Variants in CRLF2 observed in about 807,000 individuals in gnomAD.
CRLF2 encodes cytokine receptor-like factor 2.
CRLF2 carries 41 observed loss-of-function variants against 38.7 expected under a neutral mutation model. That is an observed-to-expected ratio of 1.06 (90% CI 0.83 to 1.37). The LOEUF is 1.37. CRLF2 is among the 40% of genes most tolerant of loss of function. CRLF2 has a pLI of 0.00. For synonymous variants in CRLF2, 140 were observed against 128.8 expected (o/e 1.09, Z -0.59); for missense variants, 377 against 322.2 (o/e 1.17, Z -1.30).
In CRLF2 at chrX:1,212,176, T is replaced by C. The variant is rs747400960; in HGVS notation, c.79+380A>G. Among the ~76,000 whole-genome samples, 29 of 151,766 alleles carry C rather than the reference T, an allele frequency of 1.9e-4. No homozygotes were observed. In the South Asian group the frequency reaches 5.4e-3, roughly 28 times the overall value. On this transcript the variant is annotated intron_variant, in intron 1 of 7. Coordinates refer to ENST00000400841, the MANE Select transcript of CRLF2 (RefSeq NM_022148.4). ...GGATAGTGGATGGATGGGTGATTAA[T>C]GGGAAAAGATAGATGAGATACATTG...
intron 4 of CRLF2, among the ~76,000 whole-genome samples, chrX:1,200,791 G>A (rs1209655536): frequency 4.6e-4 from 70 of 152,124 alleles, no homozygotes; most frequent in Non-Finnish European, 9.0e-4. Context: ...CTATATGTGT[G>A]TATATGCATG....
chrX:1,199,730 A>G (rs1305853903), intron 4 of CRLF2, among the ~76,000 whole-genome samples: 1 of 151,966 alleles, frequency 6.6e-6, no homozygotes, highest in Non-Finnish European at 1.5e-5. Context: ...ATATCTCTAT[A>G]TGTATATTTA....
At chrX:1,209,449 A>G (rs188672690) in intron 1 of CRLF2, among the ~76,000 whole-genome samples, 5,705 of 151,622 alleles carry the variant, frequency 0.038, 365 homozygotes, top group African/African-American at 0.13. Flanking sequence ...CTCCTGCCTC[A>G]GCCTCCCGAG....
chrX:1,207,028 C>A (rs1189107150), intron 2 of CRLF2, among the ~76,000 whole-genome samples: 2 of 147,978 alleles, frequency 1.4e-5, no homozygotes, highest in African/African-American at 5.0e-5. Flanking sequence ...TCATTGCAAT[C>A]TCTGCCTCCC....
At chrX:1,195,739 TTA>T (rs2086461597) in intron 6 of CRLF2, among the ~76,000 whole-genome samples, 1 of 139,310 alleles carries the variant, frequency 7.2e-6, no homozygotes. Flanking sequence ...TTTTATATTT[TTA>T]TAAATATATA....
chrX:1,201,613 C>G (rs1263636041), intron 4 of CRLF2, among the ~76,000 whole-genome samples: 23 of 150,618 alleles, frequency 1.5e-4, no homozygotes, highest in Non-Finnish European at 3.0e-5. Context: ...ATAGATGATA[C>G]ATAGACAGAT....
At position 1,193,227 on chromosome X, in the gene CRLF2, C is replaced by G. The variant is rs1338318278; in HGVS notation, c.843G>C (p.Gly281=). The change falls in exon 7 of 8, where the codon GGG becomes GGC. Residue 281 remains glycine, a synonymous_variant. Coordinates refer to ENST00000400841, the MANE Select transcript of CRLF2 (RefSeq NM_022148.4). Reference sequence around the variant, plus strand: ...AGGAGAGGGCGGATACCTGGAAGTTCCCTTGGTGTATCTCAAAGAGCCCGG... The same window carrying G: ...AGGAGAGGGCGGATACCTGGAAGTTGCCTTGGTGTATCTCAAAGAGCCCGG... The part of the protein sequence containing the change: ...IFPGLFEIHQ[G]NFQEWITDTQ... The G allele has an allele frequency of 2.0e-5, 8 of 398,438 alleles. No homozygotes were observed. Among genetic ancestry groups the G allele is most frequent in the Non-Finnish European group, 3.5e-5 (8 of 226,174 alleles). 24.7% of individuals were successfully genotyped at this position (398,438 alleles called of 1,614,324 possible).
intron 1 of CRLF2, among the ~76,000 whole-genome samples, chrX:1,210,892 G>C (rs2086785251): frequency 6.6e-6 from 1 of 152,074 alleles, no homozygotes; most frequent in African/African-American, 2.4e-5. Context: ...TGAGTGGATG[G>C]ATGAATAAAT....
At position 1,204,150 on chromosome X, in the gene CRLF2, C is replaced by CTGTGTGTGTGTGTGTGTGTGTGTGTGTG. The variant is rs782552615; in HGVS notation, c.350-1643_350-1616dup. Among the ~76,000 whole-genome samples the CTGTGTGTGTGTGTGTGTGTGTGTGTGTG allele has an allele frequency of 9.1e-3, 1,132 of 124,706 alleles. 19 individuals carry two copies. The highest frequency in any genetic ancestry group is 0.011 in the Non-Finnish European group (660 of 59,712). The allele number at this position is 124,706 out of a possible 152,430, so 81.8% of individuals were successfully genotyped here. A position where few individuals can be genotyped will look rare whatever the true frequency, so the allele number is the denominator to read the frequency against. On this transcript the variant is annotated intron_variant, in intron 3 of 7. Transcript: ENST00000400841. ...GATGAGAGAGTATTTCCAGCTCACTCTGTGTGTGTGTGTGTGTGTGTGTGT... is the reference window on the plus strand; with the variant it reads ...GATGAGAGAGTATTTCCAGCTCACTCTGTGTGTGTGTGTGTGTGTGTGTGTGTGTGTGTGTGTGTGTGTGTGTGTGTGT...
chrX:1,196,986 A>G, intron 5 of CRLF2, 86 bp from the exon 6 acceptor site: 1 of 1,120,524 alleles, frequency 8.9e-7, no homozygotes, highest in Admixed American at 2.8e-5. Flanking sequence ...CTCATCCCTA[A>G]CCAGTCTCCC....
chrX:1,210,358 C>A (rs1445649324), intron 1 of CRLF2, among the ~76,000 whole-genome samples: 2 of 152,022 alleles, frequency 1.3e-5, no homozygotes, highest in East Asian at 3.9e-4. Flanking sequence ...CTGTCGCCCA[C>A]GCTGGAGTGC....
intron 1 of CRLF2, among the ~76,000 whole-genome samples, chrX:1,209,933 C>G (rs1179007806): frequency 6.6e-6 from 1 of 151,510 alleles, no homozygotes; most frequent in African/African-American, 2.4e-5. Flanking sequence ...GAAACCCCGT[C>G]TCTACTAAAA....
chrX:1,211,069 G>A (rs2147857568), intron 1 of CRLF2, among the ~76,000 whole-genome samples: 1 of 149,088 alleles, frequency 6.7e-6, no homozygotes, highest in Non-Finnish European at 1.5e-5. Flanking sequence ...GGATGGATGT[G>A]TTGGTGGATG....
intron 4 of CRLF2, among the ~76,000 whole-genome samples, chrX:1,199,893 A>ATG (rs1319949848): frequency 7.2e-6 from 1 of 139,046 alleles, no homozygotes; most frequent in African/African-American, 2.5e-5. Flanking sequence ...ATGTATCTAT[A>ATG]TGTGTGTGTA....
chrX:1,199,131 A>G (rs1314963065), intron 4 of CRLF2: 2 of 272,620 alleles, frequency 7.3e-6, no homozygotes, highest in Non-Finnish European at 1.5e-5. Flanking sequence ...CCTGGGTGAC[A>G]GAGCGGGACT....
chrX:1,194,705 G>T (rs1364621303), intron 6 of CRLF2, among the ~76,000 whole-genome samples: 1 of 151,986 alleles, frequency 6.6e-6, no homozygotes, highest in Non-Finnish European at 1.5e-5. Context: ...CACTAGGGAG[G>T]GTTCTGTTTC....
Position 1,191,078 on chromosome X carries a change from A to C in CRLF2, c.935T>G (p.Leu312Arg). The part of the protein sequence containing the change: ...AEQESGPEEP[L>R]VVQLAKTEAE... ...TTCAGTCTTGGCCAACTGGACTACC[A>C]GGGGCTCCTCGGGGCCACTTTCTTG... The change falls in exon 8 of 8, where the codon CTG (leucine) becomes CGG (arginine). Residue 312 changes from leucine to arginine, a missense_variant. Leu to Arg is a moderately radical substitution (Grantham distance 102). Coordinates refer to ENST00000400841, the MANE Select transcript of CRLF2 (RefSeq NM_022148.4). 1 of 398,586 alleles carries C rather than the reference A, an allele frequency of 2.5e-6. No individual in the cohort carries two copies. Among genetic ancestry groups the C allele is most frequent in the Non-Finnish European group, 4.4e-6 (1 of 226,106 alleles). 24.7% of individuals were successfully genotyped at this position (398,586 alleles called of 1,614,324 possible). A position where few individuals can be genotyped will look rare whatever the true frequency, so the allele number is the denominator to read the frequency against.
intron 7 of CRLF2, among the ~76,000 whole-genome samples, chrX:1,192,708 T>TTTTCTTTCTTTCTTTCTTTCTTTCTTTC (rs1165440754): frequency 1.8e-5 from 2 of 110,012 alleles, no homozygotes; most frequent in East Asian, 2.6e-4. Context: ...TTTTCTTTTC[T>TTTTCTTTCTTTCTTTCTTTCTTTCTTTC]TTTCTTTCTT....
chrX:1,192,915 G>A (rs1318026261), intron 7 of CRLF2, among the ~76,000 whole-genome samples: 1 of 150,590 alleles, frequency 6.6e-6, no homozygotes, highest in Non-Finnish European at 1.5e-5. Flanking sequence ...CACAGTTCAA[G>A]CGATTCTCCT....
Sources: allele counts gnomAD v4.1 joint callset (sites outside exome capture counted in the v4.1 genomes callset), GRCh38; gene constraint gnomAD v4.1.1; transcripts MANE v1.5; gene names NCBI Gene and HGNC (gene_info 2026-07-23, HGNC 2026-07-21).